The following TCF7L2 variants were observed in gnomAD, a reference collection of about 807,000 sequenced individuals.
TCF7L2 encodes transcription factor 7 like 2.
Under a neutral mutation model 77.9 loss-of-function variants are expected in TCF7L2, and 23 were observed. The observed-to-expected ratio is 0.30, with a 90% CI of 0.21 to 0.42. The LOEUF (loss-of-function observed/expected upper bound fraction) is 0.42. TCF7L2 is among the 10% of genes least tolerant of loss of function. TCF7L2 has a pLI of 1.00. For missense variants in TCF7L2, 654 were observed against 793.1 expected, an observed-to-expected ratio of 0.82 and a Z score of 2.11; for synonymous variants, 413 against 340.2, an observed-to-expected ratio of 1.21 and a Z score of -2.36.
intron 4 of TCF7L2, among the ~76,000 whole-genome samples, chr10:113,038,262 CAG>C (rs1407226426): frequency 2.6e-5 from 4 of 152,154 alleles, no homozygotes; most frequent in African/African-American, 7.2e-5. Flanking sequence ...ATGAAAAAAA[CAG>C]AGATCACTGA....
chr10:113,089,502 C>T (rs1445622418), intron 5 of TCF7L2: 1 of 1,613,752 alleles, frequency 6.2e-7, no homozygotes, highest in African/African-American at 1.3e-5. Flanking sequence ...GAAAAGGAGC[C>T]ACTCCTTACA....
intron 3 of TCF7L2, among the ~76,000 whole-genome samples, chr10:112,958,146 G>C (rs922214665): frequency 3.9e-5 from 6 of 152,220 alleles, no homozygotes; most frequent in African/African-American, 1.4e-4. Flanking sequence ...CTTTTCCCAA[G>C]ATAGGTTTTT....
At chr10:113,078,573 T>C (rs964864182) in intron 5 of TCF7L2, among the ~76,000 whole-genome samples, 5 of 152,034 alleles carry the variant, frequency 3.3e-5, no homozygotes, top group South Asian at 2.1e-4. Context: ...AGAGATGGGG[T>C]CTCACTATAG....
intron 3 of TCF7L2, among the ~76,000 whole-genome samples, chr10:112,963,005 G>A (rs146189094): frequency 1.3e-5 from 2 of 152,072 alleles, no homozygotes; most frequent in Non-Finnish European, 2.9e-5. Flanking sequence ...TCCTTTGACA[G>A]GTATAGGGTT....
At chr10:112,989,159 G>A (rs762414850) in intron 4 of TCF7L2, among the ~76,000 whole-genome samples, 2 of 152,120 alleles carry the variant, frequency 1.3e-5, no homozygotes, top group African/African-American at 2.4e-5. Flanking sequence ...ATAATCAGAT[G>A]TAGGTTCCTG....
At chr10:113,110,131 G>A (rs2062933703) in intron 5 of TCF7L2, among the ~76,000 whole-genome samples, 1 of 152,120 alleles carries the variant, frequency 6.6e-6, no homozygotes, top group Admixed American at 6.5e-5. Context: ...CTGAATTTGG[G>A]AAGCTCTTCT....
rs1377108281 is a variant in TCF7L2 at position 113,144,116 on chromosome 10, GTGTGTGTGTGTGTGTGTGTGTA to G, written c.788+103_788+124del. On this transcript the variant is annotated intron_variant, in intron 7 of 13. Transcript: ENST00000627217. ...TGTGTGTGTCTGTGTGTGTGTGTGT[GTGTGTGTGTGTGTGTGTGTGTA>G]TGTGTGTGTGTTAGAAGCCAGGGTT... 5.4e-5 allele frequency: 48 copies of G among 894,416 alleles called. 1 individual carries two copies. The highest frequency in any genetic ancestry group is 2.8e-4 in the South Asian group (15 of 52,922). 55.4% of individuals were successfully genotyped at this position (894,416 alleles called of 1,614,324 possible).
intron 5 of TCF7L2, among the ~76,000 whole-genome samples, chr10:113,096,185 G>C (rs975938535): frequency 6.6e-6 from 1 of 152,158 alleles, no homozygotes; most frequent in Non-Finnish European, 1.5e-5. Flanking sequence ...TGCAGGGGTG[G>C]TTTTGACTTA....
chr10:113,091,400 C>T (rs2060389337), intron 5 of TCF7L2, among the ~76,000 whole-genome samples: 1 of 152,158 alleles, frequency 6.6e-6, no homozygotes, highest in Non-Finnish European at 1.5e-5. Flanking sequence ...AGTGGAAATC[C>T]TCTGGTCCAC....
chr10:112,952,420 C>T (rs1197158427), intron 3 of TCF7L2, among the ~76,000 whole-genome samples: 1 of 152,110 alleles, frequency 6.6e-6, no homozygotes, highest in Non-Finnish European at 1.5e-5. Context: ...TGGCTGCGGG[C>T]TCTCCCGGGC....
At chr10:113,135,729 A>G (rs553317432) in intron 5 of TCF7L2, among the ~76,000 whole-genome samples, 152 of 152,336 alleles carry the variant, frequency 1.0e-3, no homozygotes, top group Non-Finnish European at 1.7e-3. Context: ...CAGTCTTCCC[A>G]TAATCAGCCA....
At chr10:113,057,224 A>T (rs2055542243) in intron 5 of TCF7L2, among the ~76,000 whole-genome samples, 1 of 152,122 alleles carries the variant, frequency 6.6e-6, no homozygotes, top group Non-Finnish European at 1.5e-5. Flanking sequence ...GGGAGACAAG[A>T]CAGGCTGGGA....
At chr10:112,955,422 A>G (rs1052492988) in intron 3 of TCF7L2, among the ~76,000 whole-genome samples, 9 of 152,332 alleles carry the variant, frequency 5.9e-5, no homozygotes, top group East Asian at 1.9e-4. Flanking sequence ...CATTCACCCA[A>G]TAAGTCATAT....
chr10:113,085,907 G>A (rs1418150332), intron 5 of TCF7L2, among the ~76,000 whole-genome samples: 1 of 152,240 alleles, frequency 6.6e-6, no homozygotes, highest in African/African-American at 2.4e-5. Context: ...TGGATCTGGT[G>A]CATTATGGAG....
intron 4 of TCF7L2, among the ~76,000 whole-genome samples, 198 bp downstream of exon 4, chr10:112,964,822 T>TGGTGGTGGTGA (rs1554875168): frequency 1.4e-5 from 1 of 73,560 alleles, no homozygotes; most frequent in Non-Finnish European, 2.7e-5. Context: ...TGGGGGGGGG[T>TGGTGGTGGTGA]TGAATCACTG....
At chr10:113,139,269 C>T (rs931567686) in intron 5 of TCF7L2, among the ~76,000 whole-genome samples, 1 of 152,184 alleles carries the variant, frequency 6.6e-6, no homozygotes, top group Non-Finnish European at 1.5e-5. Flanking sequence ...TCTTTCCCTC[C>T]CTTCCTCTCC....
intron 5 of TCF7L2, among the ~76,000 whole-genome samples, chr10:113,067,431 T>C (rs1359196151): frequency 6.6e-6 from 1 of 152,198 alleles, no homozygotes; most frequent in Non-Finnish European, 1.5e-5. Context: ...TCAGTTTGGG[T>C]TGGAAGTGAT....
At position 113,143,368 on chromosome 10, in the gene TCF7L2, G is replaced by C. The variant is rs556823932; in HGVS notation, c.686-555G>C. ...TGACTCTGCCTTAGATAAGATGCCAGATGGCATTTGATCAGTTTCTCCAGC... is the reference window on the plus strand; with the variant it reads ...TGACTCTGCCTTAGATAAGATGCCACATGGCATTTGATCAGTTTCTCCAGC... On this transcript the variant is annotated intron_variant, in intron 6 of 13. Transcript: ENST00000627217. Among the ~76,000 whole-genome samples the C allele has an allele frequency of 8.7e-4, 133 of 152,370 alleles. 2 individuals are homozygous for C. In the South Asian group the frequency reaches 0.027, roughly 31 times the overall value.
intron 4 of TCF7L2, among the ~76,000 whole-genome samples, chr10:112,991,435 G>C (rs2042514797): frequency 6.6e-6 from 1 of 151,738 alleles, no homozygotes; most frequent in Non-Finnish European, 1.5e-5. Flanking sequence ...GTGAACCCGG[G>C]AGGCGGAGCT....
Sources: gnomAD v4.1 joint callset for allele counts (sites outside exome capture counted in the v4.1 genomes callset) on GRCh38, gnomAD v4.1.1 for gene constraint, MANE v1.5 for transcripts, NCBI Gene and HGNC (gene_info 2026-07-23, HGNC 2026-07-21) for gene names.